The following EPHA5 variants were observed in gnomAD, a reference collection of about 807,000 sequenced individuals.
The protein encoded by EPHA5 is ephrin type-A receptor 5.
Under a neutral mutation model 105.0 loss-of-function variants are expected in EPHA5, and 60 were observed. That is an observed-to-expected ratio of 0.57 (90% CI 0.46 to 0.71). The LOEUF (loss-of-function observed/expected upper bound fraction) is 0.71, where lower values mean the gene tolerates loss of function less well. Among genes scored for constraint, EPHA5 ranks in the 30% least tolerant of loss-of-function variants. The pLI is 0.00. For missense variants in EPHA5, 1,218 were observed against 1,274.7 expected (o/e 0.96, Z 0.68); for synonymous variants, 513 against 449.1 (o/e 1.14, Z -1.80).
intron 3 of EPHA5, among the ~76,000 whole-genome samples, chr4:65,510,782 G>T (rs1418119549): frequency 6.6e-6 from 1 of 151,170 alleles, no homozygotes; most frequent in Non-Finnish European, 1.5e-5. Context: ...AACTGTTGAG[G>T]CACTGGCATG....
intron 8 of EPHA5, among the ~76,000 whole-genome samples, chr4:65,404,067 A>C (rs546096179): frequency 6.6e-6 from 1 of 152,178 alleles, no homozygotes; most frequent in East Asian, 1.9e-4. Flanking sequence ...CAATTTTGAG[A>C]GATAAAAAAT....
At chr4:65,454,577 A>C (rs1157831452) in intron 5 of EPHA5, among the ~76,000 whole-genome samples, 1 of 152,202 alleles carries the variant, frequency 6.6e-6, no homozygotes, top group Non-Finnish European at 1.5e-5. Flanking sequence ...TGAGTCTATC[A>C]GATAATGTAA....
intron 5 of EPHA5, among the ~76,000 whole-genome samples, chr4:65,472,707 C>A (rs1729409799): frequency 6.6e-6 from 1 of 152,186 alleles, no homozygotes; most frequent in Non-Finnish European, 1.5e-5. Context: ...GCCACAGTTG[C>A]ACAGAGCAGG....
intron 3 of EPHA5, among the ~76,000 whole-genome samples, chr4:65,553,809 G>A (rs1738144684): frequency 6.6e-6 from 1 of 151,982 alleles, no homozygotes; most frequent in Non-Finnish European, 1.5e-5. Context: ...GAGAGTCACA[G>A]TTGCCTAAAA....
chr4:65,487,666 G>T (rs1217348958), intron 5 of EPHA5, among the ~76,000 whole-genome samples: 1 of 152,128 alleles, frequency 6.6e-6, no homozygotes, highest in Admixed American at 6.5e-5. Context: ...GACAGATTCA[G>T]CTTCTTATGA....
At chr4:65,597,531 A>G (rs2149429301) in intron 3 of EPHA5, among the ~76,000 whole-genome samples, 1 of 152,256 alleles carries the variant, frequency 6.6e-6, no homozygotes, top group East Asian at 1.9e-4. Flanking sequence ...AATAATAAAT[A>G]ACAAGTGGGG....
chr4:65,464,140 C>T (rs1728382886), intron 5 of EPHA5, among the ~76,000 whole-genome samples: 1 of 151,554 alleles, frequency 6.6e-6, no homozygotes, highest in Admixed American at 6.6e-5. Context: ...AAAAGAAACT[C>T]CAAGCATGTA....
intron 2 of EPHA5, 92 bp from the exon 3 acceptor site, chr4:65,602,396 G>A (rs964799516): frequency 5.0e-6 from 5 of 1,007,620 alleles, no homozygotes; most frequent in Non-Finnish European, 7.0e-6. Flanking sequence ...AACTAACTGA[G>A]ATATAGAAAT....
intron 10 of EPHA5, 34 bp from the exon 11 acceptor site, chr4:65,365,236 AT>A (rs773987209): frequency 1.3e-6 from 2 of 1,592,370 alleles, no homozygotes; most frequent in Non-Finnish European, 1.7e-6. Flanking sequence ...GCAAAAACTC[AT>A]TTGAAATTGT....
At chr4:65,380,598 GT>G (rs1332901504) in intron 8 of EPHA5, among the ~76,000 whole-genome samples, 3 of 151,562 alleles carry the variant, frequency 2.0e-5, no homozygotes, top group Non-Finnish European at 4.4e-5. Flanking sequence ...ATGTCAACAG[GT>G]AAATGAGAAA....
intron 2 of EPHA5, among the ~76,000 whole-genome samples, chr4:65,608,245 T>C (rs1189621366): frequency 6.6e-6 from 1 of 152,154 alleles, no homozygotes; most frequent in Admixed American, 6.5e-5. Context: ...GCCTGGCGCC[T>C]GTAATCCCAG....
chr4:65,547,351 G>A (rs934076561), intron 3 of EPHA5, among the ~76,000 whole-genome samples: 3 of 150,718 alleles, frequency 2.0e-5, no homozygotes, highest in Non-Finnish European at 4.4e-5. Context: ...TCACTCTTAT[G>A]ATGAGAACAA....
chr4:65,428,955 G>A (rs968941284), intron 5 of EPHA5, among the ~76,000 whole-genome samples: 2 of 151,958 alleles, frequency 1.3e-5, no homozygotes, highest in Admixed American at 1.3e-4. Context: ...ATGTAACAAG[G>A]TGTATAATGG....
chr4:65,557,687 A>G (rs1738594781), intron 3 of EPHA5, among the ~76,000 whole-genome samples: 1 of 152,136 alleles, frequency 6.6e-6, no homozygotes, highest in Non-Finnish European at 1.5e-5. Flanking sequence ...AGACAAGTAC[A>G]CTTCAAGGAG....
At chr4:65,532,334 T>C (rs1735885528) in intron 3 of EPHA5, among the ~76,000 whole-genome samples, 1 of 151,986 alleles carries the variant, frequency 6.6e-6, no homozygotes, top group African/African-American at 2.4e-5. Flanking sequence ...ATTCTCTATT[T>C]GAAAGAAAAT....
intron 5 of EPHA5, among the ~76,000 whole-genome samples, chr4:65,478,968 C>A (rs1176952994): frequency 6.6e-6 from 1 of 152,062 alleles, no homozygotes; most frequent in African/African-American, 2.4e-5. Flanking sequence ...GAATCATGGT[C>A]CTACACATTA....
chr4:65,448,885 C>A (rs944896904), intron 5 of EPHA5, among the ~76,000 whole-genome samples: 5 of 151,890 alleles, frequency 3.3e-5, no homozygotes, highest in Non-Finnish European at 5.9e-5. Flanking sequence ...GAAAATAAAT[C>A]ATAGGGAAAT....
chr4:65,352,854 G>A (rs1377308330), intron 12 of EPHA5, among the ~76,000 whole-genome samples, 188 bp downstream of exon 12: 3 of 149,872 alleles, frequency 2.0e-5, no homozygotes, highest in East Asian at 4.0e-4. Flanking sequence ...ATTTGTGTGA[G>A]TTTTCTGAAA....
intron 3 of EPHA5, among the ~76,000 whole-genome samples, chr4:65,574,653 CACAT>C (rs1248938012): frequency 2.8e-5 from 2 of 72,130 alleles, no homozygotes; most frequent in South Asian, 4.3e-4. Context: ...CATATATATA[CACAT>C]ATATATATAC....
Sources: allele counts gnomAD v4.1 joint callset (sites outside exome capture counted in the v4.1 genomes callset), GRCh38; gene constraint gnomAD v4.1.1; transcripts MANE v1.5; gene names NCBI Gene and HGNC (gene_info 2026-07-23, HGNC 2026-07-21).